Variants in OLA1 observed in about 807,000 individuals in gnomAD.
OLA1 encodes the protein Obg like ATPase 1, also known as obg-like ATPase 1.
A neutral mutation model predicts 48.4 loss-of-function variants in OLA1; 14 were observed. The observed-to-expected ratio is 0.29, with a 90% CI of 0.19 to 0.45. The LOEUF (loss-of-function observed/expected upper bound fraction) is 0.45, where lower values mean the gene tolerates loss of function less well. OLA1 is among the 20% of genes least tolerant of loss of function. The pLI is 1.00. For missense variants in OLA1, 325 were observed against 467.1 expected (o/e 0.70, Z 2.80); for synonymous variants, 127 against 150.4 (o/e 0.84, Z 1.14).
chr2:174,105,363 A>C (rs1338368832), intron 7 of OLA1, among the ~76,000 whole-genome samples: 1 of 151,994 alleles, frequency 6.6e-6, no homozygotes, highest in Non-Finnish European at 1.5e-5. Context: ...TTTCCTTTTA[A>C]ATACGAAGAT....
chr2:174,144,334 T>G (rs1051945436), intron 4 of OLA1, among the ~76,000 whole-genome samples: 3 of 152,120 alleles, frequency 2.0e-5, no homozygotes, highest in African/African-American at 7.2e-5. Flanking sequence ...TTCCTTTGTA[T>G]TGTGAGGTGG....
intron 4 of OLA1, among the ~76,000 whole-genome samples, chr2:174,180,581 C>T (rs931409641): frequency 6.6e-6 from 1 of 152,200 alleles, no homozygotes; most frequent in African/African-American, 2.4e-5. Context: ...ATGGCTAAAA[C>T]CTTTTTTCCT....
intron 7 of OLA1, among the ~76,000 whole-genome samples, chr2:174,087,329 AT>A: frequency 6.6e-6 from 1 of 151,950 alleles, no homozygotes; most frequent in East Asian, 1.9e-4. Context: ...CTCGGCCCCT[AT>A]TGTATATTCT....
intron 4 of OLA1, among the ~76,000 whole-genome samples, chr2:174,152,006 A>T (rs1356883899): frequency 6.6e-6 from 1 of 152,226 alleles, no homozygotes; most frequent in Non-Finnish European, 1.5e-5. Context: ...CTTGGCAACA[A>T]AAGCAATTTG....
At chr2:174,154,425 G>C (rs1686821186) in intron 4 of OLA1, among the ~76,000 whole-genome samples, 1 of 152,198 alleles carries the variant, frequency 6.6e-6, no homozygotes, top group South Asian at 2.1e-4. Flanking sequence ...AGGCCAGAAA[G>C]TTCCTCATGT....
chr2:174,123,505 A>G, intron 6 of OLA1, 90 bp downstream of exon 6: 2 of 782,280 alleles, frequency 2.6e-6, no homozygotes, highest in Non-Finnish European at 4.1e-6. Context: ...TTTAGATATA[A>G]TGGTAAGTGT....
At position 174,150,695 on chromosome 2, in the gene OLA1, T is replaced by C. The variant is rs538671759; in HGVS notation, c.374-8695A>G. Among the ~76,000 whole-genome samples the C allele has an allele frequency of 1.2e-3, 178 of 152,326 alleles. 1 individual carries two copies. The highest frequency in any genetic ancestry group is 2.1e-3 in the Admixed American group (32 of 15,304). On this transcript the variant is annotated intron_variant, in intron 4 of 10. Transcript: ENST00000284719. Reference sequence around the variant, plus strand: ...CCTTGTTAAATATAAGTTTTCCAATTGGAGAAAGCCTCCTTATATACCCAA... The same window carrying C: ...CCTTGTTAAATATAAGTTTTCCAATCGGAGAAAGCCTCCTTATATACCCAA...
At chr2:174,128,794 A>C (rs1686106478) in intron 5 of OLA1, among the ~76,000 whole-genome samples, 1 of 152,082 alleles carries the variant, frequency 6.6e-6, no homozygotes, top group Non-Finnish European at 1.5e-5. Flanking sequence ...CATTAATTGG[A>C]GATTTGCTAA....
intron 4 of OLA1, among the ~76,000 whole-genome samples, chr2:174,151,228 C>T (rs559506198): frequency 3.7e-4 from 56 of 152,198 alleles, no homozygotes; most frequent in African/African-American, 1.1e-3. Flanking sequence ...TCTCTACATA[C>T]GATCAGAAGA....
intron 4 of OLA1, among the ~76,000 whole-genome samples, chr2:174,209,212 CACTT>C (rs1416279822): frequency 6.6e-6 from 1 of 152,166 alleles, no homozygotes; most frequent in African/African-American, 2.4e-5. Flanking sequence ...TTTCCTGAAA[CACTT>C]ACGAAGCTAT....
At position 174,075,515 on chromosome 2, in the gene OLA1, A is replaced by G. The variant is rs1435511684; in HGVS notation, c.1102T>C (p.Tyr368His). The G allele has an allele frequency of 6.2e-7, 1 of 1,607,538 alleles. No homozygotes were observed. Among genetic ancestry groups the G allele is most frequent in the East Asian group, 2.2e-5 (1 of 44,790 alleles). Reference sequence around the variant, plus strand: ...ATATAATTTCTGCCTTGTTGTCTGTACTTTCCAGCAGCCTGCAAACAGAAA... The same window carrying G: ...ATATAATTTCTGCCTTGTTGTCTGTGCTTTCCAGCAGCCTGCAAACAGAAA... ...SENAVKAAGK[Y>H]RQQGRNYIVE... The change falls in exon 11 of 11, where the codon TAC becomes CAC. Residue 368 changes from tyrosine (Y) to histidine (H), a missense_variant. Tyr to His is a moderately conservative substitution (Grantham distance 83). Coordinates refer to ENST00000284719, the MANE Select transcript of OLA1 (RefSeq NM_013341.5).
intron 9 of OLA1, 76 bp from the exon 10 acceptor site, chr2:174,079,166 A>T (rs1359748651): frequency 7.6e-7 from 1 of 1,319,144 alleles, no homozygotes; most frequent in Non-Finnish European, 1.0e-6. Context: ...CTTTTCTCTG[A>T]TCTGCAGTTG....
intron 7 of OLA1, among the ~76,000 whole-genome samples, chr2:174,119,357 CTG>C (rs893876796): frequency 6.6e-5 from 10 of 152,168 alleles, no homozygotes; most frequent in South Asian, 2.1e-4. Flanking sequence ...AGCAGAATGT[CTG>C]TGTTATATTT....
chr2:174,132,901 T>C (rs1316945098), intron 5 of OLA1, among the ~76,000 whole-genome samples: 2 of 152,202 alleles, frequency 1.3e-5, no homozygotes, highest in African/African-American at 4.8e-5. Flanking sequence ...AAATTCTGTC[T>C]GCTTATTCTA....
intron 3 of OLA1, 141 bp from the exon 4 acceptor site, chr2:174,223,301 C>T: frequency 1.3e-6 from 1 of 751,954 alleles, no homozygotes; most frequent in Non-Finnish European, 2.1e-6. Context: ...GAATATCCAC[C>T]CCTCCCCCCA....
At chr2:174,219,805 C>T (rs1688458988) in intron 4 of OLA1, among the ~76,000 whole-genome samples, 1 of 152,124 alleles carries the variant, frequency 6.6e-6, no homozygotes, top group South Asian at 2.1e-4. Context: ...ATTTCATCTG[C>T]CTCCATCCCC....
chr2:174,128,899 T>C (rs1312970543), intron 5 of OLA1, among the ~76,000 whole-genome samples: 1 of 152,150 alleles, frequency 6.6e-6, no homozygotes. Context: ...GTCCAAAATA[T>C]ACTGCTAAGT....
chr2:174,206,676 G>C (rs4972644), intron 4 of OLA1, among the ~76,000 whole-genome samples: 80,614 of 151,886 alleles, frequency 0.53, 21,955 homozygotes, highest in East Asian at 0.94. Context: ...TAAATAGCTT[G>C]ATACAATATT....
intron 4 of OLA1, among the ~76,000 whole-genome samples, chr2:174,156,356 A>G (rs1686877205): frequency 6.6e-6 from 1 of 152,166 alleles, no homozygotes; most frequent in African/African-American, 2.4e-5. Flanking sequence ...TTGCCAACCT[A>G]CAGTTGAAAT....
Sources: gnomAD v4.1 joint callset for allele counts (sites outside exome capture counted in the v4.1 genomes callset) on GRCh38, gnomAD v4.1.1 for gene constraint, MANE v1.5 for transcripts, NCBI Gene and HGNC (gene_info 2026-07-23, HGNC 2026-07-21) for gene names.